Variants in WDR43 observed in about 807,000 individuals in gnomAD.
WDR43 encodes WD repeat-containing protein 43.
In WDR43, 13 loss-of-function variants were observed where a neutral mutation model predicts 91.4. The ratio of observed to expected loss-of-function variants is 0.14; its 90% CI spans 0.09 to 0.23. The LOEUF is 0.23. Among genes scored for constraint, WDR43 ranks in the 10% least tolerant of loss-of-function variants. The pLI, the probability that WDR43 is intolerant of heterozygous loss-of-function variation, is 1.00. For synonymous variants in WDR43, 331 were observed against 287.9 expected, an observed-to-expected ratio of 1.15 and a Z score of -1.51; for missense variants, 780 against 809.4, an observed-to-expected ratio of 0.96 and a Z score of 0.44.
intron 16 of WDR43, among the ~76,000 whole-genome samples, chr2:28,943,685 T>G (rs527367052): frequency 1.3e-5 from 2 of 152,274 alleles, no homozygotes; most frequent in South Asian, 2.1e-4. Context: ...ATTGATGGTG[T>G]GTATTGTATC....
chr2:28,941,328 C>T (rs750367911), intron 14 of WDR43, 133 bp from the exon 15 acceptor site: 29 of 594,690 alleles, frequency 4.9e-5, no homozygotes, highest in Non-Finnish European at 1.8e-5. Flanking sequence ...TGCAGGTAGC[C>T]ACTGCCACTG....
chr2:28,934,355 G>GT (rs1671300835), intron 11 of WDR43, among the ~76,000 whole-genome samples: 1 of 152,142 alleles, frequency 6.6e-6, no homozygotes. Context: ...CATAGTATTT[G>GT]TTTCATGGGT....
chr2:28,925,203 T>C, intron 8 of WDR43, 50 bp downstream of exon 8: 1 of 1,442,192 alleles, frequency 6.9e-7, no homozygotes, highest in South Asian at 1.5e-5. Flanking sequence ...CCTGTGTCCA[T>C]GGAAGAGAGT....
rs774975513 is a variant in WDR43 at position 28,946,516 on chromosome 2, C to T, written c.1854+17C>T. 18 of 1,607,744 alleles carry T rather than the reference C, an allele frequency of 1.1e-5. No individual in the cohort carries two copies. Among genetic ancestry groups the T allele is most frequent in the Non-Finnish European group, 1.4e-5 (16 of 1,176,522 alleles). ...GATTCTGAAGTGAGTGATTTGTTCC[C>T]TGTATATACATCGGCCTTTATATCC... On this transcript the variant is annotated intron_variant, in intron 17 of 17. Transcript: ENST00000407426.
chr2:28,910,777 A>G (rs1670782390), intron 3 of WDR43, among the ~76,000 whole-genome samples: 2 of 151,478 alleles, frequency 1.3e-5, no homozygotes, highest in Admixed American at 1.3e-4. Context: ...AGCTCACTGT[A>G]AACTCTGCCT....
chr2:28,928,021 A>G, intron 10 of WDR43: 1 of 217,980 alleles, frequency 4.6e-6, no homozygotes, highest in Non-Finnish European at 9.2e-6. Flanking sequence ...CATGTTGCTG[A>G]GTTCCAGTGA....
intron 1 of WDR43, chr2:28,895,987 A>C (rs1670473665): frequency 2.0e-5 from 3 of 152,116 alleles, no homozygotes; most frequent in Admixed American, 2.0e-4. Flanking sequence ...AAGTTGCTAT[A>C]CTTTGGGCAT....
At chr2:28,937,033 AAT>A (rs1201300835) in intron 13 of WDR43, 80 bp downstream of exon 13, 3 of 1,379,434 alleles carry the variant, frequency 2.2e-6, no homozygotes, top group Non-Finnish European at 2.0e-6. Context: ...ATTTCTAACT[AAT>A]AAAACTCTTT....
At chr2:28,895,805 A>T (rs1670469111) in intron 1 of WDR43, 1 of 152,146 alleles carries the variant, frequency 6.6e-6, no homozygotes, top group Non-Finnish European at 1.5e-5. Context: ...TATTGCGTTT[A>T]CAGAGTAGCC....
chr2:28,942,788 G>A (rs548865742), intron 16 of WDR43, among the ~76,000 whole-genome samples: 1 of 151,604 alleles, frequency 6.6e-6, no homozygotes, highest in Non-Finnish European at 1.5e-5. Context: ...GCCAACTTTG[G>A]TATTTTTTTG....
intron 16 of WDR43, among the ~76,000 whole-genome samples, chr2:28,945,794 A>G (rs1053148344): frequency 2.6e-5 from 4 of 152,190 alleles, no homozygotes; most frequent in African/African-American, 9.7e-5. Flanking sequence ...TCCCCCAACA[A>G]TCATACATCT....
At chr2:28,905,390 T>A (rs1412788480) in intron 2 of WDR43, among the ~76,000 whole-genome samples, 1 of 152,180 alleles carries the variant, frequency 6.6e-6, no homozygotes, top group Non-Finnish European at 1.5e-5. Flanking sequence ...GTGGGCATCT[T>A]GCTATGCTGT....
chr2:28,938,731 G>C (rs1002709378), intron 14 of WDR43, among the ~76,000 whole-genome samples: 3 of 152,178 alleles, frequency 2.0e-5, no homozygotes, highest in Non-Finnish European at 4.4e-5. Flanking sequence ...TGACTCCTTT[G>C]CCTTCAGTGG....
At chr2:28,907,874 A>T (rs1670714110) in intron 3 of WDR43, among the ~76,000 whole-genome samples, 1 of 147,396 alleles carries the variant, frequency 6.8e-6, no homozygotes, top group Non-Finnish European at 1.5e-5. Flanking sequence ...ACTGCACTCC[A>T]GCCTGGGCGA....
At chr2:28,930,113 C>T (rs1259224643) in intron 11 of WDR43, 3 of 470,348 alleles carry the variant, frequency 6.4e-6, no homozygotes, top group East Asian at 6.9e-5. Context: ...TCCCCCTGGC[C>T]GTGAGAGGGG....
intron 5 of WDR43, among the ~76,000 whole-genome samples, chr2:28,915,524 C>T (rs1434744228): frequency 6.6e-6 from 1 of 152,208 alleles, no homozygotes; most frequent in African/African-American, 2.4e-5. Context: ...ATCTTAAGAA[C>T]CTGAATAGTG....
chr2:28,925,931 G>A (rs534546576), intron 8 of WDR43, among the ~76,000 whole-genome samples: 1 of 152,170 alleles, frequency 6.6e-6, no homozygotes, highest in East Asian at 1.9e-4. Flanking sequence ...AATTACATGG[G>A]CATATAGAAT....
At chr2:28,925,910 C>T (rs1010093062) in intron 8 of WDR43, among the ~76,000 whole-genome samples, 3 of 152,094 alleles carry the variant, frequency 2.0e-5, no homozygotes, top group South Asian at 2.1e-4. Flanking sequence ...GCATCTTTCC[C>T]GATATTGATT....
At chr2:28,925,636 T>C (rs2148191349) in intron 8 of WDR43, among the ~76,000 whole-genome samples, 1 of 152,356 alleles carries the variant, frequency 6.6e-6, no homozygotes, top group South Asian at 2.1e-4. Flanking sequence ...TAACATTGTT[T>C]ACTAGAGACG....
Sources: allele counts gnomAD v4.1 joint callset (sites outside exome capture counted in the v4.1 genomes callset), GRCh38; gene constraint gnomAD v4.1.1; transcripts MANE v1.5; gene names NCBI Gene and HGNC (gene_info 2026-07-23, HGNC 2026-07-21).